The following SNW1 variants were observed in gnomAD, a reference collection of about 807,000 sequenced individuals.
SNW1 encodes SNW domain-containing protein 1.
A neutral mutation model predicts 75.6 loss-of-function variants in SNW1; 9 were observed. The ratio of observed to expected loss-of-function variants is 0.12; its 90% confidence interval spans 0.07 to 0.21. The LOEUF (loss-of-function observed/expected upper bound fraction) is 0.21, where lower values mean the gene tolerates loss of function less well. SNW1 is among the 10% of genes least tolerant of loss of function. SNW1 has a pLI of 1.00. For synonymous variants in SNW1, 200 were observed against 219.1 expected (o/e 0.91, Z 0.77); for missense variants, 409 against 670.9 (o/e 0.61, Z 4.31).
At chr14:77,759,558 T>C (rs1276313225) in intron 1 of SNW1, among the ~76,000 whole-genome samples, 1 of 152,156 alleles carries the variant, frequency 6.6e-6, no homozygotes, top group African/African-American at 2.4e-5. Context: ...CTAGAAATTT[T>C]TCCTGTGTGT....
chr14:77,724,995 T>C (rs1184989900), intron 10 of SNW1, among the ~76,000 whole-genome samples: 1 of 152,204 alleles, frequency 6.6e-6, no homozygotes, highest in African/African-American at 2.4e-5. Flanking sequence ...CCCCCTTCTG[T>C]ATCCTCGCCA....
chr14:77,720,899 A>G, intron 11 of SNW1, 71 bp from the exon 12 acceptor site: 1 of 908,214 alleles, frequency 1.1e-6, no homozygotes, highest in Non-Finnish European at 1.8e-6. Context: ...ATAGAAATAC[A>G]ACCAATCTCA....
At chr14:77,727,128 G>A (rs1018635768) in intron 10 of SNW1, among the ~76,000 whole-genome samples, 4 of 151,816 alleles carry the variant, frequency 2.6e-5, no homozygotes, top group African/African-American at 7.3e-5. Context: ...ATCTCAGCTC[G>A]CTGTAACCTC....
chr14:77,746,791 A>C (rs1345837334), intron 3 of SNW1, among the ~76,000 whole-genome samples: 1 of 152,234 alleles, frequency 6.6e-6, no homozygotes, highest in Non-Finnish European at 1.5e-5. Flanking sequence ...TGGGCATCAA[A>C]ATTCCATTCA....
intron 3 of SNW1, among the ~76,000 whole-genome samples, chr14:77,742,294 C>A (rs921508289): frequency 4.6e-5 from 7 of 152,114 alleles, no homozygotes; most frequent in Non-Finnish European, 7.4e-5. Flanking sequence ...CCTCGGCCTC[C>A]CAAAGTGCTG....
In SNW1 at chr14:77,755,023, GGGA is replaced by G; in HGVS notation, c.109_111del (p.Ser37del). 1.9e-6 allele frequency: 3 copies of G among 1,611,140 alleles called. No individual in the cohort carries two copies. Among genetic ancestry groups the G allele is most frequent in the Non-Finnish European group, 2.5e-6 (3 of 1,178,930 alleles). On this transcript the variant is annotated inframe_deletion, in exon 2 of 14. Transcript: ENST00000261531. ...TATCCGTACGGGGGAGGTTCTCTTC[GGGA>G]GGAGACCAGTGAGGTCTGCCGTGAT...
At chr14:77,737,660 G>GT (rs1173282337) in intron 5 of SNW1, among the ~76,000 whole-genome samples, 1 of 152,098 alleles carries the variant, frequency 6.6e-6, no homozygotes, top group East Asian at 1.9e-4. Context: ...TATACCACAA[G>GT]TAACTGTTAA....
chr14:77,754,960 T>C lies in SNW1; in HGVS notation c.168+7A>G. On this transcript the variant is annotated splice_region_variant and intron_variant, in intron 2 of 13. Coordinates refer to ENST00000261531, the MANE Select transcript of SNW1 (RefSeq NM_012245.3). ...TTAACAAATCTAAACTTAAGATCTA[T>C]ATGTACCTCTAATAACCGAGGTATC... 1.3e-6 allele frequency: 2 copies of C among 1,581,446 alleles called. No homozygotes were observed. The highest frequency in any genetic ancestry group is 2.3e-5 in the East Asian group (1 of 43,990).
chr14:77,753,730 T>A (rs1048466443), intron 2 of SNW1, among the ~76,000 whole-genome samples: 1 of 151,992 alleles, frequency 6.6e-6, no homozygotes, highest in Non-Finnish European at 1.5e-5. Context: ...GGCAGGTGGA[T>A]CACCTGAAGT....
At chr14:77,747,732 GC>G (rs2080773664) in intron 3 of SNW1, among the ~76,000 whole-genome samples, 1 of 146,960 alleles carries the variant, frequency 6.8e-6, no homozygotes, top group African/African-American at 2.7e-5. Flanking sequence ...CCCGGCAGCC[GC>G]CCCGTCTGGG....
intron 11 of SNW1, among the ~76,000 whole-genome samples, chr14:77,722,298 C>T (rs1004648697): frequency 4.6e-5 from 7 of 150,770 alleles, no homozygotes; most frequent in African/African-American, 1.2e-4. Context: ...TTGTTCTATA[C>T]GTTTATACTT....
At chr14:77,733,209 G>A (rs565108225) in intron 8 of SNW1, among the ~76,000 whole-genome samples, 3 of 76,788 alleles carry the variant, frequency 3.9e-5, no homozygotes, top group Admixed American at 1.5e-4. Flanking sequence ...GTAAGTGGGC[G>A]ATTAGGATTT....
intron 1 of SNW1, among the ~76,000 whole-genome samples, chr14:77,758,315 C>CAAAAAAAAAAAAAAAAAAAAAA (rs55707854): frequency 3.5e-5 from 3 of 85,826 alleles, no homozygotes; most frequent in Non-Finnish European, 4.1e-5. Context: ...GACTCTGCCA[C>CAAAAAAAAAAAAAAAAAAAAAA]AAAAAAAAAA....
intron 10 of SNW1, among the ~76,000 whole-genome samples, chr14:77,729,170 A>G (rs2080609169): frequency 6.6e-6 from 1 of 152,150 alleles, no homozygotes; most frequent in South Asian, 2.1e-4. Flanking sequence ...TAAACTTAAC[A>G]TATCCTTAAC....
intron 1 of SNW1, among the ~76,000 whole-genome samples, chr14:77,756,755 C>T (rs1414286942): frequency 1.3e-5 from 2 of 152,080 alleles, no homozygotes; most frequent in Admixed American, 6.6e-5. Context: ...TGCTGGTGTG[C>T]GCCTGTAATC....
At chr14:77,742,616 T>C (rs1400364637) in intron 3 of SNW1, among the ~76,000 whole-genome samples, 1 of 152,138 alleles carries the variant, frequency 6.6e-6, no homozygotes, top group East Asian at 1.9e-4. Context: ...TTAGCTAGTG[T>C]GTGAAATCAT....
intron 1 of SNW1, among the ~76,000 whole-genome samples, chr14:77,758,505 T>G (rs1303853245): frequency 6.6e-6 from 1 of 152,112 alleles, no homozygotes; most frequent in African/African-American, 2.4e-5. Context: ...CTCAGTTACC[T>G]CTCTCTAGAG....
intron 9 of SNW1, among the ~76,000 whole-genome samples, chr14:77,731,928 G>C (rs925927517): frequency 1.3e-5 from 2 of 152,130 alleles, no homozygotes; most frequent in South Asian, 4.1e-4. Flanking sequence ...TAGAGATGGA[G>C]TTTCACCACA....
chr14:77,735,488 G>C (rs1370422288), intron 7 of SNW1, among the ~76,000 whole-genome samples: 1 of 152,124 alleles, frequency 6.6e-6, no homozygotes, highest in Non-Finnish European at 1.5e-5. Flanking sequence ...TCTCCATGTT[G>C]GTCAGGCCGG....
Sources: allele counts gnomAD v4.1 joint callset (sites outside exome capture counted in the v4.1 genomes callset), GRCh38; gene constraint gnomAD v4.1.1; transcripts MANE v1.5; gene names NCBI Gene and HGNC (gene_info 2026-07-23, HGNC 2026-07-21).